Variants in DGKB observed in about 807,000 individuals in gnomAD.
The protein encoded by DGKB is 90 kDa diacylglycerol kinase.
In DGKB, 67 loss-of-function variants were observed where a neutral mutation model predicts 114.3. The ratio of observed to expected loss-of-function variants is 0.59; its 90% CI spans 0.48 to 0.72. The LOEUF (loss-of-function observed/expected upper bound fraction) is 0.72. Among genes scored for constraint, DGKB ranks in the 30% least tolerant of loss-of-function variants. The probability of loss-of-function intolerance (pLI) is 0.00; values close to 1 mark genes in which losing one functional copy is unlikely to be tolerated. For synonymous variants in DGKB, 398 were observed against 323.1 expected, an observed-to-expected ratio of 1.23 and a Z score of -2.49; for missense variants, 907 against 975.2, an observed-to-expected ratio of 0.93 and a Z score of 0.93.
At chr7:14,400,923 A>G (rs991373598) in intron 21 of DGKB, among the ~76,000 whole-genome samples, 3 of 151,826 alleles carry the variant, frequency 2.0e-5, no homozygotes, top group African/African-American at 7.2e-5. Flanking sequence ...ATTTATATTC[A>G]GGGAATCTAC....
chr7:14,521,030 A>G (rs1789682815), intron 20 of DGKB, among the ~76,000 whole-genome samples: 1 of 151,976 alleles, frequency 6.6e-6, no homozygotes, highest in Non-Finnish European at 1.5e-5. Flanking sequence ...TTATTCCACT[A>G]TCTTTTGGCC....
chr7:14,220,560 A>T (rs1369165056), intron 23 of DGKB, among the ~76,000 whole-genome samples: 2 of 151,528 alleles, frequency 1.3e-5, no homozygotes, highest in Non-Finnish European at 3.0e-5. Flanking sequence ...GAAAATGTGG[A>T]TACTCCAACT....
chr7:14,685,378 G>A lies in DGKB; in HGVS notation c.712-16C>T, dbSNP rs747522705. The A allele has an allele frequency of 6.4e-7, 1 of 1,564,082 alleles. No individual in the cohort carries two copies. Among genetic ancestry groups the A allele is most frequent in the Non-Finnish European group, 8.8e-7 (1 of 1,135,130 alleles). ...CCTTCACGTTCTGCATGGGACGTAAGAGAAACAGATTTCACTTAATGAAAT... is the reference window on the plus strand; with the variant it reads ...CCTTCACGTTCTGCATGGGACGTAAAAGAAACAGATTTCACTTAATGAAAT... On this transcript the variant is annotated splice_polypyrimidine_tract_variant and intron_variant, in intron 9 of 25. Coordinates refer to ENST00000402815, the MANE Select transcript of DGKB (RefSeq NM_001350709.2).
intron 22 of DGKB, 121 bp downstream of exon 22, chr7:14,345,180 T>G: frequency 1.7e-6 from 1 of 580,006 alleles, no homozygotes; most frequent in Non-Finnish European, 3.0e-6. Flanking sequence ...TTTAAAATCT[T>G]GAGTAAGTCT....
chr7:14,414,129 T>C (rs1278161032), intron 21 of DGKB, among the ~76,000 whole-genome samples: 1 of 152,104 alleles, frequency 6.6e-6, no homozygotes, highest in African/African-American at 2.4e-5. Flanking sequence ...AATATATCAA[T>C]AAAAATATAA....
intron 16 of DGKB, among the ~76,000 whole-genome samples, chr7:14,611,670 T>C (rs1248226981): frequency 3.3e-5 from 5 of 151,846 alleles, no homozygotes; most frequent in Admixed American, 2.6e-4. Context: ...CCCCAGTAAA[T>C]TTAATTTACT....
In DGKB at chr7:14,145,316, G is replaced by A. The variant is rs1371672594; in HGVS notation, c.*3815C>T. ...CTTAAAGTTTACAGCTTTAATATAT[G>A]TTACAAGGGTTTAATCTTTTAATAG... On this transcript the variant is annotated 3_prime_UTR_variant, in exon 26 of 26. Transcript: ENST00000402815. 1 of 152,054 alleles carries A rather than the reference G, an allele frequency of 6.6e-6. No individual in the cohort carries two copies. Among genetic ancestry groups the A allele is most frequent in the Non-Finnish European group, 1.5e-5 (1 of 68,008 alleles). The allele number at this position is 152,054 out of a possible 1,614,324, so 9.4% of individuals were successfully genotyped here.
chr7:14,284,650 G>GC (rs1260753800), intron 23 of DGKB, among the ~76,000 whole-genome samples: 1 of 148,776 alleles, frequency 6.7e-6, no homozygotes, highest in Non-Finnish European at 1.5e-5. Context: ...AGAAAATGTG[G>GC]CACATATACA....
intron 1 of DGKB, among the ~76,000 whole-genome samples, chr7:14,926,137 T>G (rs1784739008): frequency 6.6e-6 from 1 of 152,122 alleles, no homozygotes; most frequent in Admixed American, 6.6e-5. Context: ...TTGCATCTAT[T>G]AATATAATCA....
At chr7:14,614,264 T>C (rs1442419163) in intron 15 of DGKB, among the ~76,000 whole-genome samples, 3 of 152,168 alleles carry the variant, frequency 2.0e-5, no homozygotes, top group Non-Finnish European at 4.4e-5. Context: ...TAGAGTTGTT[T>C]TACGTAGTGT....
chr7:14,562,364 C>G (rs1345472941), intron 20 of DGKB, among the ~76,000 whole-genome samples: 1 of 152,172 alleles, frequency 6.6e-6, no homozygotes, highest in Admixed American at 6.5e-5. Flanking sequence ...TACACAGAGT[C>G]CCCACTGGGA....
rs1303392379 is a variant in DGKB at position 14,843,520 on chromosome 7, G to C, written c.-187-2070C>G. On this transcript the variant is annotated intron_variant, in intron 1 of 25. Transcript: ENST00000402815. ...CGGCTAATTTTTTGTATTTTTAGTA[G>C]AGACGGGGTTTCACCTTGTTAGCCA... 2.0e-5 allele frequency among the ~76,000 whole-genome samples: 3 copies of C among 150,592 alleles called. No homozygotes were observed. The East Asian group carries it at 5.9e-4, about 30-fold the overall frequency.
At chr7:14,312,591 A>G (rs1402071774) in intron 23 of DGKB, among the ~76,000 whole-genome samples, 2 of 152,212 alleles carry the variant, frequency 1.3e-5, no homozygotes, top group Non-Finnish European at 2.9e-5. Context: ...ATATGCATAA[A>G]GCAATTGTGC....
intron 21 of DGKB, among the ~76,000 whole-genome samples, chr7:14,365,217 T>G (rs555735896): frequency 6.6e-6 from 1 of 152,174 alleles, no homozygotes; most frequent in Non-Finnish European, 1.5e-5. Flanking sequence ...ATCCTACTTT[T>G]AGGGCAGAAA....
chr7:14,273,951 T>A (rs1798626160), intron 23 of DGKB, among the ~76,000 whole-genome samples: 1 of 152,250 alleles, frequency 6.6e-6, no homozygotes, highest in Admixed American at 6.5e-5. Context: ...CTTCAGGAAT[T>A]ACTCTTTTGA....
At chr7:14,309,402 A>G (rs1233639858) in intron 23 of DGKB, among the ~76,000 whole-genome samples, 1 of 152,188 alleles carries the variant, frequency 6.6e-6, no homozygotes, top group East Asian at 1.9e-4. Flanking sequence ...GCAAAAGCCA[A>G]AAGTCCTCTT....
At chr7:14,895,061 G>A (rs1336741822) in intron 1 of DGKB, among the ~76,000 whole-genome samples, 2 of 151,500 alleles carry the variant, frequency 1.3e-5, no homozygotes, top group Non-Finnish European at 3.0e-5. Context: ...GGACAAGTGT[G>A]AGGAAGTTAC....
chr7:14,824,216 A>G (rs1845343980), intron 2 of DGKB, among the ~76,000 whole-genome samples: 1 of 152,194 alleles, frequency 6.6e-6, no homozygotes, highest in South Asian at 2.1e-4. Context: ...ATTCAAGATG[A>G]GATTTGGGTG....
chr7:14,849,605 A>C (rs1218343177), intron 1 of DGKB, among the ~76,000 whole-genome samples: 4 of 152,198 alleles, frequency 2.6e-5, no homozygotes, highest in Admixed American at 2.0e-4. Flanking sequence ...TAATTCTGTT[A>C]AGAGCAGCAC....
Sources: gnomAD v4.1 joint callset for allele counts (sites outside exome capture counted in the v4.1 genomes callset) on GRCh38, gnomAD v4.1.1 for gene constraint, MANE v1.5 for transcripts, NCBI Gene and HGNC (gene_info 2026-07-23, HGNC 2026-07-21) for gene names.